The following UBE2E2 variants were observed in gnomAD, a reference collection of about 807,000 sequenced individuals.
UBE2E2 encodes the protein ubiquitin-conjugating enzyme E2 E2.
Under a neutral mutation model 24.7 loss-of-function variants are expected in UBE2E2, and 6 were observed. The observed-to-expected ratio is 0.24, with a 90% confidence interval of 0.13 to 0.48. The LOEUF (loss-of-function observed/expected upper bound fraction) is 0.48, where lower values mean the gene tolerates loss of function less well. UBE2E2 is among the 20% of genes least tolerant of loss of function. The probability of loss-of-function intolerance (pLI) is 0.99; values close to 1 mark genes in which losing one functional copy is unlikely to be tolerated. For synonymous variants in UBE2E2, 104 were observed against 83.6 expected (o/e 1.24, Z -1.33); for missense variants, 169 against 245.0 (o/e 0.69, Z 2.07).
At chr3:23,456,410 C>T (rs1698681512) in intron 3 of UBE2E2, among the ~76,000 whole-genome samples, 1 of 152,198 alleles carries the variant, frequency 6.6e-6, no homozygotes, top group Non-Finnish European at 1.5e-5. Flanking sequence ...TTGCCCAGAT[C>T]CATCAGAGGA....
chr3:23,393,936 A>G (rs1477972645), intron 3 of UBE2E2, among the ~76,000 whole-genome samples: 2 of 152,228 alleles, frequency 1.3e-5, no homozygotes, highest in Non-Finnish European at 2.9e-5. Context: ...AATAGTTCTG[A>G]CAAAAAGTAC....
In UBE2E2 at chr3:23,203,460, C is replaced by CA. The variant is rs1315067055; in HGVS notation, c.-13_-12insA. ...CTGCGACCTGCACGGACACCCCCCC[C>CA]TCAGGTATTCGCTCGGGCCGCGCCG... On this transcript the variant is annotated 5_prime_UTR_variant, in exon 1 of 6. Coordinates refer to ENST00000396703, the MANE Select transcript of UBE2E2 (RefSeq NM_152653.4). 5 of 982,658 alleles carry CA rather than the reference C, an allele frequency of 5.1e-6. No individual in the cohort carries two copies. Among genetic ancestry groups the CA allele is most frequent in the South Asian group, 4.7e-5 (1 of 21,070 alleles). 60.9% of individuals were successfully genotyped at this position (982,658 alleles called of 1,614,324 possible).
intron 3 of UBE2E2, among the ~76,000 whole-genome samples, chr3:23,271,838 C>T (rs551364867): frequency 1.6e-4 from 25 of 152,210 alleles, no homozygotes; most frequent in Non-Finnish European, 3.4e-4. Flanking sequence ...TAGCTAGATA[C>T]AGAGTGCTCA....
At chr3:23,363,406 C>T (rs1286588238) in intron 3 of UBE2E2, among the ~76,000 whole-genome samples, 1 of 152,196 alleles carries the variant, frequency 6.6e-6, no homozygotes, top group African/African-American at 2.4e-5. Flanking sequence ...CAGGACTCAT[C>T]TCACATGCAA....
intron 3 of UBE2E2, among the ~76,000 whole-genome samples, chr3:23,457,356 C>G (rs140785285): frequency 7.9e-5 from 12 of 152,140 alleles, no homozygotes; most frequent in Admixed American, 3.9e-4. Flanking sequence ...ATAACACTTA[C>G]AAGTGAGTGC....
At position 23,590,181 on chromosome 3, in the gene UBE2E2, G is replaced by C. The variant is rs1001714785; in HGVS notation, c.*350G>C. On this transcript the variant is annotated 3_prime_UTR_variant, in exon 6 of 6. Coordinates refer to ENST00000396703, the MANE Select transcript of UBE2E2 (RefSeq NM_152653.4). ...CTTACAAAGCTTTGTATTACTGTGT[G>C]GTTTTGTTTTTTTTGTTGTTGTTTA... 3.1e-5 allele frequency: 6 copies of C among 196,580 alleles called. No homozygotes were observed. The highest frequency in any genetic ancestry group is 5.1e-5 in the Non-Finnish European group (5 of 97,584). The allele number at this position is 196,580 out of a possible 1,614,324, so 12.2% of individuals were successfully genotyped here.
intron 3 of UBE2E2, chr3:23,271,124 C>A (rs949570198): frequency 3.7e-5 from 16 of 433,164 alleles, no homozygotes; most frequent in African/African-American, 2.9e-4. Context: ...GTTTCAGAAA[C>A]TTGTATTCTA....
chr3:23,417,984 C>CT (rs1697683552), intron 3 of UBE2E2, among the ~76,000 whole-genome samples: 1 of 152,200 alleles, frequency 6.6e-6, no homozygotes, highest in African/African-American at 2.4e-5. Context: ...TGGATCTTAG[C>CT]TTGCTGGGCT....
rs549912648 is a variant in UBE2E2 at position 23,238,371 on chromosome 3, A to C, written c.227+21059A>C. ...CTGCCTTGTAGGATCATACATGATC[A>C]TGTATATGAAAGCTTCTAGAACACT... On this transcript the variant is annotated intron_variant, in intron 3 of 5. Coordinates refer to ENST00000396703, the MANE Select transcript of UBE2E2 (RefSeq NM_152653.4). Among the ~76,000 whole-genome samples the C allele has an allele frequency of 2.6e-5, 4 of 152,326 alleles. No individual in the cohort carries two copies. In the South Asian group the frequency reaches 8.3e-4, roughly 32 times the overall value.
At chr3:23,562,058 A>G (rs1393433099) in intron 5 of UBE2E2, among the ~76,000 whole-genome samples, 1 of 152,108 alleles carries the variant, frequency 6.6e-6, no homozygotes, top group African/African-American at 2.4e-5. Context: ...AATACCCTTT[A>G]TTTCTTTCTC....
At chr3:23,502,246 T>C (rs77210263) in intron 4 of UBE2E2, among the ~76,000 whole-genome samples, 2 of 142,356 alleles carry the variant, frequency 1.4e-5, no homozygotes, top group East Asian at 4.2e-4. Context: ...TTTTTTTTTT[T>C]TCACGTTAGC....
chr3:23,361,341 G>A (rs1180082334), intron 3 of UBE2E2, among the ~76,000 whole-genome samples: 2 of 152,000 alleles, frequency 1.3e-5, no homozygotes, highest in African/African-American at 4.8e-5. Context: ...CTACCCAAAG[G>A]AAAATAAGTC....
chr3:23,383,091 A>G (rs1429895645), intron 3 of UBE2E2, among the ~76,000 whole-genome samples: 1 of 152,314 alleles, frequency 6.6e-6, no homozygotes. Context: ...AAAGGAAGAA[A>G]AGTAAAAGTA....
intron 3 of UBE2E2, among the ~76,000 whole-genome samples, chr3:23,301,197 C>G (rs901520243): frequency 3.3e-5 from 5 of 151,944 alleles, no homozygotes; most frequent in African/African-American, 1.2e-4. Flanking sequence ...AATTTTTTTT[C>G]AAAGCTTTTT....
At chr3:23,391,075 A>G (rs1696922587) in intron 3 of UBE2E2, among the ~76,000 whole-genome samples, 1 of 152,226 alleles carries the variant, frequency 6.6e-6, no homozygotes, top group South Asian at 2.1e-4. Context: ...AATCCTTAAA[A>G]TAATTCTATG....
At position 23,365,214 on chromosome 3, in the gene UBE2E2, A is replaced by G. The variant is rs146753579; in HGVS notation, c.228-134394A>G. On this transcript the variant is annotated intron_variant, in intron 3 of 5. Transcript: ENST00000396703. The stretch of plus-strand genomic sequence containing the variant: ...AAGCATTCCCCTTGAGAACCGGAAC[A>G]AGGCAAGGATGCCAACTCTCACCAC... Among the ~76,000 whole-genome samples, 209 of 152,350 alleles carry G rather than the reference A, an allele frequency of 1.4e-3. 1 individual carries two copies. Among genetic ancestry groups the G allele is most frequent in the African/African-American group, 4.4e-3 (183 of 41,580 alleles).
At chr3:23,351,154 A>G (rs141184528) in intron 3 of UBE2E2, among the ~76,000 whole-genome samples, 15,557 of 152,220 alleles carry the variant, frequency 0.1, 923 homozygotes, top group East Asian at 0.13. Context: ...TAAGTGAAGG[A>G]GAAATAAAAT....
At chr3:23,244,652 T>C (rs1253763703) in intron 3 of UBE2E2, among the ~76,000 whole-genome samples, 2 of 152,152 alleles carry the variant, frequency 1.3e-5, no homozygotes, top group African/African-American at 4.8e-5. Flanking sequence ...TGGGTGGTTC[T>C]TGAATTTGTA....
At chr3:23,551,990 C>CT (rs1398990367) in intron 5 of UBE2E2, among the ~76,000 whole-genome samples, 1 of 152,180 alleles carries the variant, frequency 6.6e-6, no homozygotes, top group African/African-American at 2.4e-5. Flanking sequence ...CCAGAGAACT[C>CT]TGTCTTTCTG....
Sources: allele counts gnomAD v4.1 joint callset (sites outside exome capture counted in the v4.1 genomes callset), GRCh38; gene constraint gnomAD v4.1.1; transcripts MANE v1.5; gene names NCBI Gene and HGNC (gene_info 2026-07-23, HGNC 2026-07-21).